The following TENM3 variants were observed in gnomAD, a reference collection of about 807,000 sequenced individuals.
TENM3 encodes the protein teneurin transmembrane protein 3.
In TENM3, 63 loss-of-function variants were observed where a neutral mutation model predicts 255.1. The observed-to-expected ratio is 0.25, with a 90% CI of 0.20 to 0.30. The LOEUF (loss-of-function observed/expected upper bound fraction) is 0.30. Among genes scored for constraint, TENM3 ranks in the 10% least tolerant of loss-of-function variants. The probability of loss-of-function intolerance (pLI) is 1.00; values close to 1 mark genes in which losing one functional copy is unlikely to be tolerated. For synonymous variants in TENM3, 1,306 were observed against 1,322.3 expected (o/e 0.99, Z 0.27); for missense variants, 2,929 against 3,461.1 (o/e 0.85, Z 3.86).
chr4:182,327,967 A>G (rs1763516598), intron 2 of TENM3, among the ~76,000 whole-genome samples: 1 of 152,192 alleles, frequency 6.6e-6, no homozygotes, highest in African/African-American at 2.4e-5. Flanking sequence ...CCAAACACTT[A>G]TCAATTCCAA....
chr4:182,063,803 T>C, the TENM3 span, among the ~76,000 whole-genome samples: 1 of 152,038 alleles, frequency 6.6e-6, no homozygotes. Flanking sequence ...AAAAGAAAAA[T>C]GCCAGCCACA....
At chr4:181,967,655 C>CAGG in the TENM3 span, among the ~76,000 whole-genome samples, 1 of 152,050 alleles carries the variant, frequency 6.6e-6, no homozygotes, top group African/African-American at 2.4e-5. Flanking sequence ...GATTTCTTCC[C>CAGG]AGGAGGAGTA....
chr4:182,022,508 A>G, the TENM3 span, among the ~76,000 whole-genome samples: 1 of 150,438 alleles, frequency 6.6e-6, no homozygotes, highest in Non-Finnish European at 1.5e-5. Context: ...CATGTAACAA[A>G]CCTGCACATG....
the TENM3 span, among the ~76,000 whole-genome samples, chr4:181,829,155 C>T: frequency 6.6e-6 from 1 of 152,164 alleles, no homozygotes; most frequent in African/African-American, 2.4e-5. Context: ...AAATTGTTCA[C>T]TAAAATTAGA....
At chr4:181,757,368 A>T in the TENM3 span, among the ~76,000 whole-genome samples, 1 of 152,202 alleles carries the variant, frequency 6.6e-6, no homozygotes, top group Admixed American at 6.5e-5. Flanking sequence ...TCTGTATCAT[A>T]TGCAGACTCA....
the TENM3 span, among the ~76,000 whole-genome samples, chr4:181,447,676 A>G: frequency 6.6e-6 from 1 of 152,104 alleles, no homozygotes; most frequent in South Asian, 2.1e-4. Context: ...TTGCCTTGGC[A>G]GAGCCAGCCA....
At chr4:182,458,525 A>T (rs2151376434) in intron 3 of TENM3, among the ~76,000 whole-genome samples, 1 of 152,300 alleles carries the variant, frequency 6.6e-6, no homozygotes, top group South Asian at 2.1e-4. Flanking sequence ...TACCTGTAAA[A>T]GGAGGGAAGT....
intron 4 of TENM3, among the ~76,000 whole-genome samples, chr4:182,602,985 A>C (rs1375722806): frequency 1.3e-5 from 2 of 152,232 alleles, no homozygotes; most frequent in Non-Finnish European, 2.9e-5. Flanking sequence ...TAAAACACAA[A>C]AGCCTCAAAA....
the TENM3 span, among the ~76,000 whole-genome samples, chr4:181,772,881 A>T: frequency 1.3e-5 from 2 of 152,206 alleles, no homozygotes; most frequent in Non-Finnish European, 2.9e-5. Flanking sequence ...ACTACACTTA[A>T]TCTGGCAGAG....
chr4:182,693,943 A>G (rs948628155), intron 12 of TENM3, among the ~76,000 whole-genome samples: 1 of 152,228 alleles, frequency 6.6e-6, no homozygotes, highest in Non-Finnish European at 1.5e-5. Context: ...AAAAACAAGA[A>G]CAACAGAACA....
At chr4:182,548,784 C>T (rs1741713748) in intron 3 of TENM3, 1 of 151,790 alleles carries the variant, frequency 6.6e-6, no homozygotes, top group Non-Finnish European at 1.5e-5. Context: ...ACACAGCAGT[C>T]ACTTTCAATT....
chr4:182,631,155 C>T (rs1252043958), intron 5 of TENM3, among the ~76,000 whole-genome samples: 5 of 152,010 alleles, frequency 3.3e-5, no homozygotes, highest in South Asian at 2.1e-4. Flanking sequence ...TAAACCTTCC[C>T]TTTGCTTTTA....
the TENM3 span, among the ~76,000 whole-genome samples, chr4:181,625,887 G>A: frequency 5.3e-5 from 8 of 151,870 alleles, no homozygotes; most frequent in African/African-American, 1.7e-4. Flanking sequence ...AGTAGAGTGG[G>A]AATAAAACCC....
At chr4:182,768,839 G>A (rs923842213) in intron 22 of TENM3, among the ~76,000 whole-genome samples, 1 of 152,142 alleles carries the variant, frequency 6.6e-6, no homozygotes, top group African/African-American at 2.4e-5. Flanking sequence ...GAGAGCCTGA[G>A]GAAGTTTGTC....
the TENM3 span, among the ~76,000 whole-genome samples, chr4:181,986,361 T>G: frequency 6.6e-6 from 1 of 152,044 alleles, no homozygotes; most frequent in Non-Finnish European, 1.5e-5. Context: ...TTCCCACCAT[T>G]TCACCTCTTC....
the TENM3 span, among the ~76,000 whole-genome samples, chr4:181,871,266 AGTC>A: frequency 6.6e-6 from 1 of 152,032 alleles, no homozygotes; most frequent in Non-Finnish European, 1.5e-5. Context: ...AGAATCAACT[AGTC>A]ATTTTCTATA....
At chr4:181,701,501 A>G in the TENM3 span, among the ~76,000 whole-genome samples, 2 of 152,042 alleles carry the variant, frequency 1.3e-5, no homozygotes, top group Non-Finnish European at 2.9e-5. Context: ...AAGGGCAAGC[A>G]CTTTTACCTG....
chr4:182,161,680 T>C (rs1374943982), intron 1 of TENM3, among the ~76,000 whole-genome samples: 2 of 126,854 alleles, frequency 1.6e-5, no homozygotes, highest in East Asian at 4.4e-4. Context: ...TATATGTATA[T>C]ATATACACAA....
At chr4:181,696,155 C>G in the TENM3 span, among the ~76,000 whole-genome samples, 158 of 152,216 alleles carry the variant, frequency 1.0e-3, 1 homozygote, top group South Asian at 9.1e-3. Flanking sequence ...TTCCAGCTAT[C>G]GATGTACATG....
Sources: allele counts gnomAD v4.1 joint callset (sites outside exome capture counted in the v4.1 genomes callset), GRCh38; gene constraint gnomAD v4.1.1; transcripts MANE v1.5; gene names NCBI Gene and HGNC (gene_info 2026-07-23, HGNC 2026-07-21).